Variants in DAOA observed in about 807,000 individuals in gnomAD.
DAOA encodes the protein D-amino acid oxidase activator, also known as D-amino acid oxidase regulator.
A neutral mutation model predicts 16.4 loss-of-function variants in DAOA; 15 were observed. The observed-to-expected ratio is 0.91, with a 90% CI of 0.61 to 1.41. The LOEUF is 1.41. DAOA is among the 40% of genes most tolerant of loss of function. The pLI is 0.00. For missense variants in DAOA, 230 were observed against 176.8 expected (o/e 1.30, Z -1.71); for synonymous variants, 75 against 59.1 (o/e 1.27, Z -1.23).
Position 105,470,561 on chromosome 13 carries a change from C to A in DAOA, c.134-1977C>A, listed in dbSNP as rs140536905. On this transcript the variant is annotated intron_variant, in intron 3 of 5. Coordinates refer to ENST00000375936, the MANE Select transcript of DAOA (RefSeq NM_172370.5). ...GAAATTCTACATACATAAAATAAAGCAGCTCACCCATGTACACCCAACCAA... is the reference window on the plus strand; with the variant it reads ...GAAATTCTACATACATAAAATAAAGAAGCTCACCCATGTACACCCAACCAA... Among the ~76,000 whole-genome samples the A allele has an allele frequency of 1.5e-3, 232 of 152,180 alleles. 2 individuals are homozygous for A. The highest frequency in any genetic ancestry group is 6.8e-3 in the Middle Eastern group (2 of 294).
At chr13:105,481,358 A>G (rs1468238150) in intron 4 of DAOA, among the ~76,000 whole-genome samples, 1 of 152,192 alleles carries the variant, frequency 6.6e-6, no homozygotes, top group Non-Finnish European at 1.5e-5. Flanking sequence ...CATTGTTCAC[A>G]GTACCACAGG....
chr13:105,475,253 G>A (rs1877251637), intron 4 of DAOA, among the ~76,000 whole-genome samples: 2 of 152,068 alleles, frequency 1.3e-5, no homozygotes, highest in African/African-American at 4.8e-5. Flanking sequence ...AGCCTTGGAG[G>A]GCACTATCAG....
In DAOA at chr13:105,469,181, C is replaced by T. The variant is rs192574633; in HGVS notation, c.133+2040C>T. ...AGGGTTCAATAATATTCATACTAGG[C>T]AGAACACTAAATTCAAAGTAGCTGG... On this transcript the variant is annotated intron_variant, in intron 3 of 5. Coordinates refer to ENST00000375936, the MANE Select transcript of DAOA (RefSeq NM_172370.5). 3.9e-5 allele frequency among the ~76,000 whole-genome samples: 6 copies of T among 152,218 alleles called. No individual in the cohort carries two copies. The East Asian group carries it at 9.7e-4, about 25-fold the overall frequency.
intron 4 of DAOA, among the ~76,000 whole-genome samples, chr13:105,488,336 AGAT>A (rs1005600540): frequency 6.6e-6 from 1 of 152,208 alleles, no homozygotes; most frequent in African/African-American, 2.4e-5. Flanking sequence ...ATAACTCAAA[AGAT>A]GAATGAAGCA....
At chr13:105,476,764 A>C (rs1877369980) in intron 4 of DAOA, among the ~76,000 whole-genome samples, 1 of 151,952 alleles carries the variant, frequency 6.6e-6, no homozygotes, top group Admixed American at 6.6e-5. Flanking sequence ...GTACCTGGTG[A>C]GTACTCTAAC....
chr13:105,470,976 G>A (rs1876903442), intron 3 of DAOA, among the ~76,000 whole-genome samples: 1 of 152,116 alleles, frequency 6.6e-6, no homozygotes, highest in Non-Finnish European at 1.5e-5. Flanking sequence ...TTTTAGTACA[G>A]ATGGGGTTTC....
chr13:105,490,055 G>A lies in DAOA; in HGVS notation c.436G>A (p.Glu146Lys). ...QQKDQSCNHK[E>K]ITSTKAE ...AAAAGACCAGTCATGCAACCACAAG[G>A]AAATAACTTCTACCAAAGCTGAATG... The change falls in exon 5 of 6, where the codon GAA (glutamate) becomes AAA (lysine). Residue 146 changes from glutamate (E) to lysine (K), a missense_variant. Physicochemically the swap from Glu to Lys is moderately conservative, Grantham distance 56. Transcript: ENST00000375936. 1.3e-6 allele frequency: 2 copies of A among 1,578,688 alleles called. No individual in the cohort carries two copies. The highest frequency in any genetic ancestry group is 1.7e-6 in the Non-Finnish European group (2 of 1,161,066).
At chr13:105,468,216 G>A (rs532078443) in intron 3 of DAOA, among the ~76,000 whole-genome samples, 3 of 152,176 alleles carry the variant, frequency 2.0e-5, no homozygotes, top group Non-Finnish European at 4.4e-5. Flanking sequence ...CCTCCCGGTC[G>A]TTAACATTAA....
intron 3 of DAOA, among the ~76,000 whole-genome samples, chr13:105,468,679 T>C (rs747769560): frequency 2.0e-5 from 3 of 152,218 alleles, no homozygotes; most frequent in Non-Finnish European, 2.9e-5. Context: ...ACAATTTTCA[T>C]TGAAAGGCAT....
At chr13:105,470,986 C>G (rs1445266513) in intron 3 of DAOA, among the ~76,000 whole-genome samples, 1 of 152,100 alleles carries the variant, frequency 6.6e-6, no homozygotes, top group Non-Finnish European at 1.5e-5. Flanking sequence ...GATGGGGTTT[C>G]ATCGTGTTAG....
chr13:105,476,590 G>A (rs1877353910), intron 4 of DAOA, among the ~76,000 whole-genome samples: 1 of 151,178 alleles, frequency 6.6e-6, no homozygotes, highest in African/African-American at 2.4e-5. Flanking sequence ...TATGATGTGG[G>A]TGTAAAAAAT....
intron 4 of DAOA, among the ~76,000 whole-genome samples, chr13:105,472,901 T>C (rs894285324): frequency 6.6e-6 from 1 of 152,194 alleles, no homozygotes; most frequent in African/African-American, 2.4e-5. Context: ...CATGCAGTAG[T>C]TTTTCTTGAA....
chr13:105,485,257 C>T (rs1878027549), intron 4 of DAOA, among the ~76,000 whole-genome samples: 1 of 152,188 alleles, frequency 6.6e-6, no homozygotes, highest in African/African-American at 2.4e-5. Context: ...ACCAAATCTA[C>T]AGCTCCACAT....
rs376672902 is a variant in DAOA at position 105,489,941 on chromosome 13, G to C, written c.322G>C (p.Ala108Pro). 2.5e-5 allele frequency: 40 copies of C among 1,613,682 alleles called. No individual in the cohort carries two copies. The highest frequency in any genetic ancestry group is 3.3e-5 in the Admixed American group (2 of 59,938). ...CAGCCATGTTGGAAAAGTCTTCATG[G>C]CAAGAAACTATGAGTTCCTTGCCTA... ...VSSHVGKVFM[A>P]RNYEFLAYEA... Residue 108 changes from alanine (A) to proline (P), a missense_variant, in exon 5 of 6, where the codon GCA becomes CCA. By Grantham distance (27) the Ala-to-Pro change is conservative (BLOSUM62 -1). Coordinates refer to ENST00000375936, the MANE Select transcript of DAOA (RefSeq NM_172370.5).
intron 4 of DAOA, among the ~76,000 whole-genome samples, chr13:105,480,157 A>G (rs778005684): frequency 2.0e-5 from 3 of 152,206 alleles, no homozygotes; most frequent in Non-Finnish European, 2.9e-5. Flanking sequence ...AAATTGAAAT[A>G]GTAAGATTAA....
intron 4 of DAOA, among the ~76,000 whole-genome samples, chr13:105,477,545 T>C (rs1450988177): frequency 6.6e-6 from 1 of 152,152 alleles, no homozygotes; most frequent in African/African-American, 2.4e-5. Context: ...CAGGGAAACC[T>C]AGATGCCATC....
intron 4 of DAOA, among the ~76,000 whole-genome samples, chr13:105,485,403 C>A (rs1437498678): frequency 1.3e-5 from 2 of 152,174 alleles, no homozygotes; most frequent in African/African-American, 4.8e-5. Context: ...AAGTCAACCA[C>A]GACTCTGCTT....
intron 4 of DAOA, among the ~76,000 whole-genome samples, chr13:105,478,006 TC>T (rs1252124415): frequency 1.3e-5 from 2 of 152,200 alleles, no homozygotes; most frequent in African/African-American, 4.8e-5. Context: ...TCAAAAGATC[TC>T]TACTGTGCAG....
Position 105,472,627 on chromosome 13 carries a change from A to G in DAOA, c.223A>G (p.Arg75Gly), listed in dbSNP as rs755397146. The change falls in exon 4 of 6, where the codon AGG becomes GGG. Residue 75 changes from arginine (R) to glycine (G), a missense_variant. Transcript: ENST00000375936. ...HEDGYLEMAQ[R>G]HLQRSLCPWV... ...GGACGGCTATTTGGAAATGGCACAGAGGCATTTACAGAGATCATTATGTCC... is the reference window on the plus strand; with the variant it reads ...GGACGGCTATTTGGAAATGGCACAGGGGCATTTACAGAGATCATTATGTCC... 1 of 1,614,116 alleles carries G rather than the reference A, an allele frequency of 6.2e-7. No individual in the cohort carries two copies.
Sources: gnomAD v4.1 joint callset for allele counts (sites outside exome capture counted in the v4.1 genomes callset) on GRCh38, gnomAD v4.1.1 for gene constraint, MANE v1.5 for transcripts, NCBI Gene and HGNC (gene_info 2026-07-23, HGNC 2026-07-21) for gene names.